PTPRT: variants seen among roughly 807,000 people sequenced by gnomAD.
PTPRT encodes receptor-type tyrosine-protein phosphatase T.
A neutral mutation model predicts 176.8 loss-of-function variants in PTPRT; 56 were observed. That is an observed-to-expected ratio of 0.32 (90% CI 0.26 to 0.40). The LOEUF (loss-of-function observed/expected upper bound fraction) is 0.40, where lower values mean the gene tolerates loss of function less well. Ranked by LOEUF, PTPRT falls within the 10% of genes least tolerant of loss-of-function variation. PTPRT has a pLI of 1.00. For synonymous variants in PTPRT, 783 were observed against 739.0 expected, an observed-to-expected ratio of 1.06 and a Z score of -0.96; for missense variants, 1,540 against 1,908.2, an observed-to-expected ratio of 0.81 and a Z score of 3.60.
chr20:43,050,486 C>T (rs1039982936), intron 1 of PTPRT, among the ~76,000 whole-genome samples: 8 of 152,156 alleles, frequency 5.3e-5, no homozygotes, highest in Non-Finnish European at 7.3e-5. Flanking sequence ...CTCCCTCATA[C>T]GGCGTCTCTG....
chr20:42,586,526 GCATTTTC>G (rs1385336548), intron 7 of PTPRT, among the ~76,000 whole-genome samples: 1 of 152,114 alleles, frequency 6.6e-6, no homozygotes, highest in Non-Finnish European at 1.5e-5. Context: ...ACCAGAGCCT[GCATTTTC>G]CACTTTTTGC....
chr20:42,144,095 C>A (rs1988756434), intron 17 of PTPRT, among the ~76,000 whole-genome samples: 1 of 152,100 alleles, frequency 6.6e-6, no homozygotes, highest in South Asian at 2.1e-4. Flanking sequence ...TGCGTGGGAA[C>A]AGTGAGTGTA....
chr20:42,163,451 T>C (rs1323401045), intron 16 of PTPRT, among the ~76,000 whole-genome samples: 1 of 152,214 alleles, frequency 6.6e-6, no homozygotes, highest in East Asian at 1.9e-4. Flanking sequence ...TAATAGCTAG[T>C]ACATGTTCAC....
chr20:42,753,878 G>A (rs531291403), intron 6 of PTPRT, among the ~76,000 whole-genome samples: 7 of 152,280 alleles, frequency 4.6e-5, no homozygotes, highest in South Asian at 2.1e-4. Context: ...TAAACCAAGC[G>A]TTTTCTGGTT....
At chr20:42,395,769 C>A (rs2058842747) in intron 9 of PTPRT, among the ~76,000 whole-genome samples, 1 of 152,136 alleles carries the variant, frequency 6.6e-6, no homozygotes, top group Non-Finnish European at 1.5e-5. Context: ...GGATCACCTT[C>A]TCCTTTTGTT....
At chr20:42,800,667 T>C (rs2077518136) in intron 2 of PTPRT, among the ~76,000 whole-genome samples, 3 of 152,218 alleles carry the variant, frequency 2.0e-5, no homozygotes, top group African/African-American at 7.2e-5. Context: ...GTGTCTTATA[T>C]ATAGCATGTT....
intron 2 of PTPRT, among the ~76,000 whole-genome samples, chr20:42,819,234 G>A (rs2077846461): frequency 6.6e-6 from 1 of 152,110 alleles, no homozygotes. Context: ...AGAAGAGATT[G>A]GGGGCCAATA....
chr20:42,035,978 AG>A, the PTPRT span, among the ~76,000 whole-genome samples: 1 of 152,212 alleles, frequency 6.6e-6, no homozygotes, highest in Admixed American at 6.5e-5. Context: ...CTTTGGGAGA[AG>A]ATAACAGGAC....
chr20:42,188,259 G>A (rs180672250), intron 16 of PTPRT, among the ~76,000 whole-genome samples: 1 of 152,312 alleles, frequency 6.6e-6, no homozygotes, highest in African/African-American at 2.4e-5. Context: ...ATGATTAGAG[G>A]TTGGGAGCAA....
At position 42,974,636 on chromosome 20, in the gene PTPRT, G is replaced by A. The variant is rs553112544; in HGVS notation, c.89-88704C>T. Reference sequence around the variant, plus strand: ...GAGATCATATCTGCTAAAAGCAATCGCAAGTGCTGGGTGAACAACTCCAGA... The same window carrying A: ...GAGATCATATCTGCTAAAAGCAATCACAAGTGCTGGGTGAACAACTCCAGA... On this transcript the variant is annotated intron_variant, in intron 1 of 30. Transcript: ENST00000373187. Among the ~76,000 whole-genome samples the A allele has an allele frequency of 4.6e-5, 7 of 152,230 alleles. No homozygotes were observed. In the East Asian group the frequency reaches 5.8e-4, roughly 13 times the overall value.
chr20:42,478,368 C>T (rs949511000), intron 7 of PTPRT, among the ~76,000 whole-genome samples: 2 of 152,220 alleles, frequency 1.3e-5, no homozygotes, highest in South Asian at 2.1e-4. Context: ...CAGGAAGGCA[C>T]GGTGGTCCTC....
chr20:42,714,254 C>T (rs2076190776), intron 6 of PTPRT, among the ~76,000 whole-genome samples: 1 of 152,204 alleles, frequency 6.6e-6, no homozygotes, highest in Non-Finnish European at 1.5e-5. Context: ...GGCAAGACCA[C>T]ATTTTGGAGG....
chr20:43,182,142 A>G (rs2015273771), intron 1 of PTPRT, among the ~76,000 whole-genome samples: 1 of 152,102 alleles, frequency 6.6e-6, no homozygotes. Flanking sequence ...CTACATAACC[A>G]CCCACCAGGA....
In PTPRT at chr20:42,080,852, C is replaced by G; in HGVS notation, c.*27G>C. 1.9e-6 allele frequency: 3 copies of G among 1,596,786 alleles called. No individual in the cohort carries two copies. The highest frequency in any genetic ancestry group is 1.7e-6 in the Non-Finnish European group (2 of 1,165,250). On this transcript the variant is annotated 3_prime_UTR_variant, in exon 31 of 31. Coordinates refer to ENST00000373187, the MANE Select transcript of PTPRT (RefSeq NM_007050.6). ...GGGCTTGGTCACAGCAGCCTCTGGA[C>G]TCCGGCAGGTTCCCCATCCCATTGA...
At chr20:42,671,268 G>A (rs555802305) in intron 7 of PTPRT, among the ~76,000 whole-genome samples, 11 of 152,146 alleles carry the variant, frequency 7.2e-5, no homozygotes, top group Non-Finnish European at 1.6e-4. Flanking sequence ...AGAGCTGTAC[G>A]ATAACCAAGC....
chr20:42,470,536 CA>C (rs564084076), intron 8 of PTPRT, among the ~76,000 whole-genome samples: 192 of 152,192 alleles, frequency 1.3e-3, no homozygotes, highest in African/African-American at 4.3e-3. Context: ...AGCCATCCCA[CA>C]AGGCAAGAGG....
intron 12 of PTPRT, among the ~76,000 whole-genome samples, chr20:42,313,802 G>T (rs1416095141): frequency 1.3e-5 from 2 of 152,138 alleles, no homozygotes; most frequent in East Asian, 3.9e-4. Context: ...AGACCAGATG[G>T]ACAGGTGGAA....
At chr20:42,885,289 A>G (rs2079084423) in intron 2 of PTPRT, among the ~76,000 whole-genome samples, 1 of 147,560 alleles carries the variant, frequency 6.8e-6, no homozygotes, top group Admixed American at 6.8e-5. Context: ...CCTTATAATA[A>G]TCTGACTGTA....
At chr20:42,761,096 T>C (rs2076908727) in intron 5 of PTPRT, among the ~76,000 whole-genome samples, 1 of 152,064 alleles carries the variant, frequency 6.6e-6, no homozygotes, top group Non-Finnish European at 1.5e-5. Context: ...CGAACCATGG[T>C]CCCCAGACAG....
Sources: gnomAD v4.1 joint callset for allele counts (sites outside exome capture counted in the v4.1 genomes callset) on GRCh38, gnomAD v4.1.1 for gene constraint, MANE v1.5 for transcripts, NCBI Gene and HGNC (gene_info 2026-07-23, HGNC 2026-07-21) for gene names.